Variants in TUB observed in about 807,000 individuals in gnomAD.
TUB encodes the protein TUB bipartite transcription factor, also known as tubby protein homolog.
A neutral mutation model predicts 59.7 loss-of-function variants in TUB; 33 were observed. The observed-to-expected ratio is 0.55, with a 90% CI of 0.42 to 0.74. TUB has a LOEUF of 0.74. TUB is among the 30% of genes least tolerant of loss of function. The probability of loss-of-function intolerance (pLI) is 0.00; values close to 1 mark genes in which losing one functional copy is unlikely to be tolerated. For synonymous variants in TUB, 293 were observed against 256.4 expected, an observed-to-expected ratio of 1.14 and a Z score of -1.36; for missense variants, 659 against 672.0, an observed-to-expected ratio of 0.98 and a Z score of 0.21.
upstream of TUB, among the ~76,000 whole-genome samples, chr11:8,034,292 A>T (rs1942617131): frequency 6.6e-6 from 1 of 152,162 alleles, no homozygotes. Flanking sequence ...GGACAGTGGG[A>T]GTGGGGTCTG....
At chr11:8,033,349 A>G (rs1942603053) in intron 1 of TUB, among the ~76,000 whole-genome samples, 2 of 152,272 alleles carry the variant, frequency 1.3e-5, no homozygotes, top group African/African-American at 2.4e-5. Context: ...CCGCCACAAG[A>G]TGGCACTCTC....
intron 2 of TUB, among the ~76,000 whole-genome samples, chr11:8,052,605 G>T (rs1209235869): frequency 2.0e-5 from 3 of 151,950 alleles, no homozygotes; most frequent in East Asian, 3.9e-4. Context: ...ATGTAGCCGG[G>T]ACTACAGGTG....
chr11:8,073,754 G>A (rs1943397315), intron 2 of TUB, among the ~76,000 whole-genome samples: 1 of 152,242 alleles, frequency 6.6e-6, no homozygotes. Flanking sequence ...GCTCCCCAGA[G>A]AGCTGGGCTT....
chr11:8,086,809 A>G (rs1943677489), intron 1 of TUB, among the ~76,000 whole-genome samples: 1 of 152,132 alleles, frequency 6.6e-6, no homozygotes, highest in African/African-American at 2.4e-5. Flanking sequence ...GTGAGGTGGT[A>G]GGTGGCTCTC....
chr11:8,064,694 G>C (rs1182038809), intron 2 of TUB, among the ~76,000 whole-genome samples: 1 of 152,172 alleles, frequency 6.6e-6, no homozygotes. Context: ...AGACAGTGAG[G>C]GTCAGGGGCA....
chr11:8,095,924 A>G (rs1411875858), intron 5 of TUB, among the ~76,000 whole-genome samples: 2 of 152,174 alleles, frequency 1.3e-5, no homozygotes, highest in African/African-American at 2.4e-5. Context: ...AGTTTCCCAT[A>G]TGTTTGCTGA....
At chr11:8,101,372 T>C in intron 11 of TUB, 114 bp from the exon 12 acceptor site, 1 of 1,345,622 alleles carries the variant, frequency 7.4e-7, no homozygotes, top group Non-Finnish European at 1.0e-6. Context: ...TCCCCTGGCA[T>C]CTCTGCTTCT....
intron 1 of TUB, among the ~76,000 whole-genome samples, chr11:8,022,543 C>G (rs960485421): frequency 5.3e-5 from 8 of 152,214 alleles, no homozygotes; most frequent in Admixed American, 1.3e-4. Flanking sequence ...ATGTGCATGT[C>G]AGTTATCTAT....
chr11:8,097,811 A>C lies in TUB; in HGVS notation c.983A>C (p.Tyr328Ser). Residue 328 changes from tyrosine (Y) to serine (S), a missense_variant, in exon 8 of 12, where the codon TAT (tyrosine) becomes TCT (serine). This residue lies in a region of TUB where 112 missense variants were observed against 156.9 expected (regional missense o/e 0.71). Coordinates refer to ENST00000299506, the MANE Select transcript of TUB (RefSeq NM_177972.3). ...GACTTGTCTCGAGGAGGGGACAGCTATATCGGGAAACTGCGGTACTAGCAT... is the reference window on the plus strand; with the variant it reads ...GACTTGTCTCGAGGAGGGGACAGCTCTATCGGGAAACTGCGGTACTAGCAT... Reference protein sequence around the residue: ...PTDLSRGGDSYIGKLRSNLMG... With the variant: ...PTDLSRGGDSSIGKLRSNLMG... 6.2e-7 allele frequency: 1 copy of C among 1,613,736 alleles called. No homozygotes were observed. Among genetic ancestry groups the C allele is most frequent in the East Asian group, 2.2e-5 (1 of 44,878 alleles).
intron 1 of TUB, among the ~76,000 whole-genome samples, chr11:8,027,113 G>A (rs1024468201): frequency 3.3e-5 from 5 of 152,160 alleles, no homozygotes; most frequent in African/African-American, 4.8e-5. Context: ...GTGGTAAAAT[G>A]TGTATGACAT....
In TUB at chr11:8,104,009, C is replaced by CT. The variant is rs1421868734; in HGVS notation, c.*2391dup. On this transcript the variant is annotated 3_prime_UTR_variant, in exon 12 of 12. Coordinates refer to ENST00000299506, the MANE Select transcript of TUB (RefSeq NM_177972.3). ...GAAGGATAGCCTCAGCCACAAAACT[C>CT]TGTCAGGCATTGAATGACAAGCATC... The CT allele has an allele frequency of 2.0e-5, 3 of 152,226 alleles. No individual in the cohort carries two copies. The highest frequency in any genetic ancestry group is 4.4e-5 in the Non-Finnish European group (3 of 68,068). The allele number at this position is 152,226 out of a possible 1,614,324, so 9.4% of individuals were successfully genotyped here.
intron 1 of TUB, among the ~76,000 whole-genome samples, chr11:8,025,927 T>C (rs927537919): frequency 3.3e-5 from 5 of 152,254 alleles, no homozygotes; most frequent in African/African-American, 7.2e-5. Context: ...TATATTCTCA[T>C]GAGCATTGTA....
intron 5 of TUB, among the ~76,000 whole-genome samples, 161 bp downstream of exon 5, chr11:8,095,826 GGGCCCCTGCTAA>G (rs1282714446): frequency 5.3e-5 from 8 of 152,248 alleles, no homozygotes; most frequent in Non-Finnish European, 1.0e-4. Flanking sequence ...CTCTTAGGCA[GGGCCCCTGCTAA>G]GGCCCCAGGG....
chr11:8,042,517 A>G (rs1030501095), intron 2 of TUB, among the ~76,000 whole-genome samples: 8 of 152,174 alleles, frequency 5.3e-5, no homozygotes, highest in African/African-American at 1.7e-4. Flanking sequence ...CTTTTGAGGA[A>G]CTGTCAGAGT....
intron 6 of TUB, among the ~76,000 whole-genome samples, 166 bp downstream of exon 6, chr11:8,096,972 G>T (rs1170671272): frequency 6.6e-6 from 1 of 152,186 alleles, no homozygotes; most frequent in African/African-American, 2.4e-5. Flanking sequence ...CCAGCAGGGT[G>T]ATGTATGGGG....
chr11:8,048,607 T>A (rs1356636715), intron 2 of TUB, among the ~76,000 whole-genome samples: 1 of 152,108 alleles, frequency 6.6e-6, no homozygotes, highest in African/African-American at 2.4e-5. Context: ...GGCCTCATTA[T>A]GTTGCCCAGG....
At chr11:8,082,805 G>C (rs189641961) in intron 1 of TUB, among the ~76,000 whole-genome samples, 32 of 152,340 alleles carry the variant, frequency 2.1e-4, no homozygotes, top group Non-Finnish European at 3.2e-4. Context: ...GGGAACTCAG[G>C]GTTTCTCTTG....
At chr11:8,094,449 G>A (rs1056193553) in intron 4 of TUB, among the ~76,000 whole-genome samples, 4 of 152,122 alleles carry the variant, frequency 2.6e-5, no homozygotes, top group Non-Finnish European at 4.4e-5. Flanking sequence ...CAGAACCACC[G>A]TCCCCCACCT....
chr11:8,065,970 G>A (rs115309624), intron 2 of TUB, among the ~76,000 whole-genome samples: 2,126 of 152,304 alleles, frequency 0.014, 42 homozygotes, highest in African/African-American at 0.049. Context: ...GTCATATCGC[G>A]GTGAAGCGTT....
Sources: allele counts gnomAD v4.1 joint callset (sites outside exome capture counted in the v4.1 genomes callset), GRCh38; gene constraint gnomAD v4.1.1; regional missense constraint gnomAD v4.1.1; transcripts MANE v1.5; gene names NCBI Gene and HGNC (gene_info 2026-07-23, HGNC 2026-07-21).